MECR: variants seen among roughly 807,000 people sequenced by gnomAD.
MECR encodes the protein enoyl-[acyl-carrier-protein] reductase, mitochondrial.
A neutral mutation model predicts 49.1 loss-of-function variants in MECR; 37 were observed. The observed-to-expected ratio is 0.75, with a 90% CI of 0.58 to 0.99. The LOEUF (loss-of-function observed/expected upper bound fraction) is 0.99, where lower values mean the gene tolerates loss of function less well. Among genes scored for constraint, MECR ranks in the 50% least tolerant of loss-of-function variants. The probability of loss-of-function intolerance (pLI) is 0.00; values close to 1 mark genes in which losing one functional copy is unlikely to be tolerated. For missense variants in MECR, 470 were observed against 479.6 expected, an observed-to-expected ratio of 0.98 and a Z score of 0.19; for synonymous variants, 198 against 191.1, an observed-to-expected ratio of 1.04 and a Z score of -0.30.
chr1:29,175,985 G>A, the MECR span, among the ~76,000 whole-genome samples: 3 of 152,084 alleles, frequency 2.0e-5, no homozygotes, highest in African/African-American at 7.2e-5. Context: ...GGGCATGGTG[G>A]CTCACACCTG....
rs1487100952 is a variant in MECR, at chr1:29,203,172, G to A, written c.612C>T (p.Ala204=). The change falls in exon 5 of 10, where the codon GCC becomes GCT. Residue 204 remains alanine (A), a synonymous_variant. Transcript: ENST00000263702. ...TGATGGTTCTTAGGCCCAGGGCTGC[G>A]GCGATCTGGATGACTGCTTGCCCCA... ...SGVGQAVIQI[A]AALGLRTINV... 3 of 1,585,748 alleles carry A rather than the reference G, an allele frequency of 1.9e-6. No individual in the cohort carries two copies. The highest frequency in any genetic ancestry group is 2.3e-5 in the East Asian group (1 of 44,194).
At chr1:29,197,679 G>C (rs923665132) in intron 7 of MECR, among the ~76,000 whole-genome samples, 14 of 152,196 alleles carry the variant, frequency 9.2e-5, no homozygotes, top group African/African-American at 3.4e-4. Flanking sequence ...CTGCTGGGTA[G>C]TTTGGTCTTA....
At chr1:29,187,577 C>T in the MECR span, among the ~76,000 whole-genome samples, 1 of 151,630 alleles carries the variant, frequency 6.6e-6, no homozygotes, top group Non-Finnish European at 1.5e-5. Context: ...TCTCATATCC[C>T]AAGAAAACAC....
At chr1:29,177,787 C>T in the MECR span, among the ~76,000 whole-genome samples, 2 of 152,186 alleles carry the variant, frequency 1.3e-5, no homozygotes, top group East Asian at 3.9e-4. Flanking sequence ...GCTTACACAC[C>T]TCTTCTCCAA....
At chr1:29,181,304 T>C in the MECR span, among the ~76,000 whole-genome samples, 22 of 152,266 alleles carry the variant, frequency 1.4e-4, no homozygotes, top group African/African-American at 4.1e-4. Context: ...CAGAAACGAA[T>C]AGGGCCCCAG....
chr1:29,209,249 ATTCTT>A (rs1677361302), intron 3 of MECR, among the ~76,000 whole-genome samples: 1 of 152,198 alleles, frequency 6.6e-6, no homozygotes. Context: ...GCTATTTTTC[ATTCTT>A]TTCTGCTCAA....
intron 7 of MECR, among the ~76,000 whole-genome samples, chr1:29,199,733 C>T (rs1374233740): frequency 6.6e-6 from 1 of 151,510 alleles, no homozygotes; most frequent in Non-Finnish European, 1.5e-5. Context: ...ATTCTCGTGA[C>T]TCAGCCTCCC....
At chr1:29,230,483 G>A (rs1461484856) in intron 1 of MECR, 2 of 500,850 alleles carry the variant, frequency 4.0e-6, no homozygotes, top group African/African-American at 4.0e-5. Context: ...ATTTAAACAA[G>A]GGATTGCCTG....
At chr1:29,202,742 A>G (rs894690360) in intron 5 of MECR, among the ~76,000 whole-genome samples, 8 of 152,162 alleles carry the variant, frequency 5.3e-5, no homozygotes, top group Non-Finnish European at 1.0e-4. Context: ...GTACCACACA[A>G]AAGCAAGGGT....
the MECR span, among the ~76,000 whole-genome samples, chr1:29,173,730 G>A: frequency 6.6e-6 from 1 of 151,562 alleles, no homozygotes; most frequent in Admixed American, 6.6e-5. Flanking sequence ...GATTACAGGT[G>A]TGAGCCACCG....
At chr1:29,183,167 AG>A in the MECR span, among the ~76,000 whole-genome samples, 52 of 152,310 alleles carry the variant, frequency 3.4e-4, no homozygotes, top group African/African-American at 1.2e-3. Context: ...GTCCTTTAGG[AG>A]GTTAATTTAC....
At chr1:29,213,967 G>A in intron 3 of MECR, among the ~76,000 whole-genome samples, 1 of 152,062 alleles carries the variant, frequency 6.6e-6, no homozygotes, top group Non-Finnish European at 1.5e-5. Context: ...AAGAACAAGT[G>A]AGAGACACAA....
intron 7 of MECR, among the ~76,000 whole-genome samples, chr1:29,199,520 C>A (rs1350675828): frequency 1.3e-5 from 2 of 152,186 alleles, no homozygotes; most frequent in African/African-American, 4.8e-5. Flanking sequence ...AGCCACTGCG[C>A]CCGGCCTAGA....
At chr1:29,214,248 A>ACGG (rs1171672892) in intron 3 of MECR, among the ~76,000 whole-genome samples, 1 of 151,546 alleles carries the variant, frequency 6.6e-6, no homozygotes, top group Non-Finnish European at 1.5e-5. Flanking sequence ...TTTAGAAGAG[A>ACGG]CGGGGTTTTA....
chr1:29,201,861 T>C lies in MECR; in HGVS notation c.756+82A>G. The C allele has an allele frequency of 8.5e-7, 1 of 1,182,636 alleles. No homozygotes were observed. Among genetic ancestry groups the C allele is most frequent in the South Asian group, 1.3e-5 (1 of 79,504 alleles). The allele number at this position is 1,182,636 out of a possible 1,614,324, so 73.3% of individuals were successfully genotyped here. A position where few individuals can be genotyped will look rare whatever the true frequency, so the allele number is the denominator to read the frequency against. On this transcript the variant is annotated intron_variant, in intron 6 of 9. Transcript: ENST00000263702. The surrounding 1 kb of genome is among the most constrained non-coding windows in gnomAD (Gnocchi z 4.3). ...TTCCAGAGAGGAACAATGGGGCCAG[T>C]CCCCAGTTTCTCTAATGCATGTCAA...
the MECR span, among the ~76,000 whole-genome samples, chr1:29,184,173 CG>C: frequency 8.8e-6 from 1 of 113,916 alleles, no homozygotes; most frequent in Admixed American, 1.1e-4. Context: ...CCACTGTACC[CG>C]GCTTTTTTTT....
chr1:29,195,483 C>T (rs568981311), intron 9 of MECR, among the ~76,000 whole-genome samples: 22 of 152,302 alleles, frequency 1.4e-4, no homozygotes, highest in South Asian at 2.1e-4. Context: ...ACTTTGGGCA[C>T]GCTACTTAAC....
chr1:29,181,908 G>C, the MECR span: 2 of 497,412 alleles, frequency 4.0e-6, no homozygotes, highest in East Asian at 7.8e-5. Flanking sequence ...CGCAGCTCGC[G>C]AGCGCGCGCT....
intron 3 of MECR, among the ~76,000 whole-genome samples, chr1:29,213,835 T>G (rs954268745): frequency 1.3e-5 from 2 of 152,262 alleles, no homozygotes; most frequent in Non-Finnish European, 2.9e-5. Context: ...GGTATCCATC[T>G]CATGTTGTGG....
Sources: gnomAD v4.1 joint callset for allele counts (sites outside exome capture counted in the v4.1 genomes callset) on GRCh38, gnomAD v4.1.1 for gene constraint, Gnocchi (gnomAD v3.1) non-coding constraint, MANE v1.5 for transcripts, NCBI Gene and HGNC (gene_info 2026-07-23, HGNC 2026-07-21) for gene names.